PCNX4: variants seen among roughly 807,000 people sequenced by gnomAD.
The protein encoded by PCNX4 is pecanex-like protein 4.
PCNX4 carries 103 observed loss-of-function variants against 107.2 expected under a neutral mutation model. That is an observed-to-expected ratio of 0.96 (90% CI 0.82 to 1.13). PCNX4 has a LOEUF of 1.13. PCNX4 is among the 50% of genes most tolerant of loss of function. The pLI is 0.00. For synonymous variants in PCNX4, 541 were observed against 481.7 expected, an observed-to-expected ratio of 1.12 and a Z score of -1.61; for missense variants, 1,528 against 1,379.4, an observed-to-expected ratio of 1.11 and a Z score of -1.71.
rs1182655214 is a variant in PCNX4 at position 60,124,187 on chromosome 14, T to C, written c.2047-31T>C. The C allele has an allele frequency of 3.4e-6, 5 of 1,469,798 alleles. No individual in the cohort carries two copies. In the East Asian group the frequency reaches 1.2e-4, roughly 36 times the overall value. 91.0% of individuals were successfully genotyped at this position (1,469,798 alleles called of 1,614,324 possible). A position where few individuals can be genotyped will look rare whatever the true frequency, so the allele number is the denominator to read the frequency against. ...CTGTATATTATGTAATAAATGATTA[T>C]AAACTCAAGTACTTTTTATTTCTTC... On this transcript the variant is annotated intron_variant, in intron 8 of 10. Transcript: ENST00000406854.
At chr14:60,119,477 G>T (rs948867639) in intron 7 of PCNX4, among the ~76,000 whole-genome samples, 4 of 152,094 alleles carry the variant, frequency 2.6e-5, no homozygotes, top group African/African-American at 9.7e-5. Flanking sequence ...TTTAAGATTA[G>T]AATTTTAATA....
chr14:60,108,173 T>C lies in PCNX4; in HGVS notation c.535T>C (p.Phe179Leu), dbSNP rs1895666936. 6.2e-7 allele frequency: 1 copy of C among 1,612,782 alleles called. No individual in the cohort carries two copies. Among genetic ancestry groups the C allele is most frequent in the African/African-American group, 1.3e-5 (1 of 74,946 alleles). ...STGGTALLFF[F>L]GWMTLCIAEY... is the part of the protein sequence containing the mutation. ...AGGAGGCACTGCTCTACTATTCTTC[T>C]TTGGATGGATGACACTATGTATAGC... The change falls in exon 2 of 11, where the codon TTT (phenylalanine) becomes CTT (leucine). Residue 179 changes from phenylalanine (F) to leucine (L), a missense_variant. Phe to Leu is a conservative substitution (Grantham distance 22, BLOSUM62 0). Transcript: ENST00000406854.
At chr14:60,123,060 C>T (rs867195294) in intron 8 of PCNX4, among the ~76,000 whole-genome samples, 4 of 152,050 alleles carry the variant, frequency 2.6e-5, no homozygotes, top group Non-Finnish European at 5.9e-5. Context: ...TGCTGACTCA[C>T]CTACAGATTG....
At position 60,124,740 on chromosome 14, in the gene PCNX4, G is replaced by A. The variant is rs140599960; in HGVS notation, c.2569G>A (p.Val857Ile). ...PGTNLFIPGS[V>I]ESQRVGDHST... ...TACAAATTTGTTTATTCCAGGATCA[G>A]TAGAATCACAGAGGGTTGGTGATCA... is the stretch of plus-strand genomic sequence containing the variant. Residue 857 changes from valine to isoleucine, a missense_variant, in exon 9 of 11, where the codon GTA (valine) becomes ATA (isoleucine). By Grantham distance (29) the Val-to-Ile change is conservative (BLOSUM62 3). Transcript: ENST00000406854. The A allele has an allele frequency of 2.5e-5, 41 of 1,613,164 alleles. No homozygotes were observed. The African/African-American group carries it at 4.7e-4, about 18-fold the overall frequency.
intron 10 of PCNX4, among the ~76,000 whole-genome samples, chr14:60,126,534 A>G (rs1348999396): frequency 3.9e-5 from 6 of 152,328 alleles, no homozygotes; most frequent in Middle Eastern, 3.4e-3. Flanking sequence ...AAACCCAGTG[A>G]GAATAGCAAG....
intron 1 of PCNX4, among the ~76,000 whole-genome samples, chr14:60,106,146 C>A (rs1486087213): frequency 1.3e-5 from 2 of 152,050 alleles, no homozygotes; most frequent in Non-Finnish European, 2.9e-5. Flanking sequence ...TCGATTTGGC[C>A]CTGTAGTTCT....
chr14:60,133,759 T>A (rs1623792), intron 10 of PCNX4: 125,479 of 655,738 alleles, frequency 0.19, 16,587 homozygotes, highest in African/African-American at 0.5. Flanking sequence ...CCAGGAAACT[T>A]TTATTTAAAG....
chr14:60,099,018 A>G (rs190447829), intron 1 of PCNX4, among the ~76,000 whole-genome samples: 41 of 152,202 alleles, frequency 2.7e-4, no homozygotes, highest in African/African-American at 8.4e-4. Flanking sequence ...TTAAGATTCC[A>G]TAGAGTATTT....
At position 60,107,839 on chromosome 14, in the gene PCNX4, G is replaced by A; in HGVS notation, c.201G>A (p.Leu67=). 1 of 1,612,824 alleles carries A rather than the reference G, an allele frequency of 6.2e-7. No homozygotes were observed. The highest frequency in any genetic ancestry group is 8.5e-7 in the Non-Finnish European group (1 of 1,179,848). ...VGTLLYQLGI[L]KDYYTAALSG... ...CACTTTTATACCAGTTAGGCATCCT[G>A]AAAGACTATTATACAGCAGCACTTT... Residue 67 remains leucine, a synonymous_variant, in exon 2 of 11, where the codon CTG becomes CTA. Transcript: ENST00000406854.
chr14:60,110,689 A>G (rs774620566), intron 2 of PCNX4: 2 of 167,084 alleles, frequency 1.2e-5, no homozygotes, highest in Non-Finnish European at 2.9e-5. Flanking sequence ...GATTGTACCT[A>G]GGTCTCATCC....
chr14:60,124,305 A>T lies in PCNX4; in HGVS notation c.2134A>T (p.Thr712Ser), dbSNP rs959832059. 4 of 1,610,214 alleles carry T rather than the reference A, an allele frequency of 2.5e-6. No individual in the cohort carries two copies. Among genetic ancestry groups the T allele is most frequent in the African/African-American group, 1.3e-5 (1 of 74,886 alleles). Residue 712 changes from threonine to serine, a missense_variant, in exon 9 of 11, where the codon ACA (threonine) becomes TCA (serine). Thr to Ser is a moderately conservative substitution (Grantham distance 58, BLOSUM62 1). Coordinates refer to ENST00000406854, the MANE Select transcript of PCNX4 (RefSeq NM_001330177.2). ...VFEDAFEQEYTRVCSLNEHFG... is the reference protein window; with the variant it reads ...VFEDAFEQEYSRVCSLNEHFG... ...TGAAGATGCTTTTGAGCAAGAATACACAAGAGTATGTTCCCTTAATGAACA... is the reference window on the plus strand; with the variant it reads ...TGAAGATGCTTTTGAGCAAGAATACTCAAGAGTATGTTCCCTTAATGAACA...
At position 60,139,932 on chromosome 14, in the gene PCNX4, T is replaced by G. The variant is rs1027603370; in HGVS notation, c.*5711T>G. On this transcript the variant is annotated 3_prime_UTR_variant, in exon 11 of 11. Coordinates refer to ENST00000406854, the MANE Select transcript of PCNX4 (RefSeq NM_001330177.2). ...CCTAAAGCCATGCTTAGAAGGAAATTTATAGTCTTAAACGCACATTAAAAA... is the reference window on the plus strand; with the variant it reads ...CCTAAAGCCATGCTTAGAAGGAAATGTATAGTCTTAAACGCACATTAAAAA... The G allele has an allele frequency of 1.3e-5, 2 of 149,582 alleles. No individual in the cohort carries two copies. Among genetic ancestry groups the G allele is most frequent in the African/African-American group, 5.0e-5 (2 of 39,744 alleles). The allele number at this position is 149,582 out of a possible 1,614,324, so 9.3% of individuals were successfully genotyped here. A position where few individuals can be genotyped will look rare whatever the true frequency, so the allele number is the denominator to read the frequency against.
intron 1 of PCNX4, 145 bp from the exon 2 acceptor site, chr14:60,107,441 A>G: frequency 1.8e-6 from 1 of 558,522 alleles, no homozygotes; most frequent in East Asian, 2.9e-5. Flanking sequence ...AGTGTCAAGT[A>G]TGTGCCAGAA....
intron 8 of PCNX4, among the ~76,000 whole-genome samples, chr14:60,123,880 C>T (rs938581678): frequency 2.0e-5 from 3 of 151,972 alleles, no homozygotes; most frequent in Admixed American, 6.6e-5. Flanking sequence ...TTTTCTCCTC[C>T]AGGATTATAA....
At chr14:60,116,522 G>C (rs543160270) in intron 6 of PCNX4, among the ~76,000 whole-genome samples, 2 of 152,142 alleles carry the variant, frequency 1.3e-5, no homozygotes, top group African/African-American at 4.8e-5. Context: ...GCCCTTGTAG[G>C]GTAGCTCATT....
chr14:60,118,245 A>C (rs1895887594), intron 6 of PCNX4, 84 bp from the exon 7 acceptor site: 1 of 1,356,870 alleles, frequency 7.4e-7, no homozygotes, highest in African/African-American at 1.5e-5. Context: ...TAATAAAATT[A>C]CTGTATAGTC....
intron 10 of PCNX4, among the ~76,000 whole-genome samples, chr14:60,132,368 C>T (rs2140569349): frequency 6.6e-6 from 1 of 152,288 alleles, no homozygotes; most frequent in East Asian, 1.9e-4. Flanking sequence ...GCAAAGTACC[C>T]ATTCCAAATA....
intron 1 of PCNX4, among the ~76,000 whole-genome samples, chr14:60,104,211 C>G (rs1037833276): frequency 6.6e-6 from 1 of 150,956 alleles, no homozygotes; most frequent in Non-Finnish European, 1.5e-5. Flanking sequence ...CCCAGCTACT[C>G]AGGAGGCTGA....
At chr14:60,118,266 G>C in intron 6 of PCNX4, 63 bp from the exon 7 acceptor site, 1 of 1,464,572 alleles carries the variant, frequency 6.8e-7, no homozygotes, top group Middle Eastern at 1.8e-4. Flanking sequence ...TGTCTTATAT[G>C]ATCTTGAAAA....
Sources: gnomAD v4.1 joint callset for allele counts (sites outside exome capture counted in the v4.1 genomes callset) on GRCh38, gnomAD v4.1.1 for gene constraint, MANE v1.5 for transcripts, NCBI Gene and HGNC (gene_info 2026-07-23, HGNC 2026-07-21) for gene names.